Variants in SEMA6D observed in about 807,000 individuals in gnomAD.
SEMA6D encodes semaphorin-6D.
In SEMA6D, 35 loss-of-function variants were observed where a neutral mutation model predicts 106.6. The ratio of observed to expected loss-of-function variants is 0.33; its 90% CI spans 0.25 to 0.44. The LOEUF (loss-of-function observed/expected upper bound fraction) is 0.44. Among genes scored for constraint, SEMA6D ranks in the 20% least tolerant of loss-of-function variants. The probability of loss-of-function intolerance (pLI) is 1.00; values close to 1 mark genes in which losing one functional copy is unlikely to be tolerated. For synonymous variants in SEMA6D, 499 were observed against 487.7 expected (o/e 1.02, Z -0.31); for missense variants, 1,185 against 1,345.9 (o/e 0.88, Z 1.87).
chr15:47,770,157 T>G (rs1157334805), intron 18 of SEMA6D, among the ~76,000 whole-genome samples: 1 of 152,178 alleles, frequency 6.6e-6, no homozygotes. Context: ...AGTTTAAAGT[T>G]AGCTATTTAG....
intron 2 of SEMA6D, among the ~76,000 whole-genome samples, chr15:47,455,382 G>A (rs12593841): frequency 0.48 from 72,585 of 151,680 alleles, 18,353 homozygotes; most frequent in African/African-American, 0.64. Context: ...TTCTTTTTTA[G>A]TTTTTATTTT....
Position 47,772,071 on chromosome 15 carries a change from A to T in SEMA6D, c.*286A>T, listed in dbSNP as rs1425737098. 42 of 384,084 alleles carry T rather than the reference A, an allele frequency of 1.1e-4. No homozygotes were observed. The East Asian group carries it at 1.7e-3, about 15-fold the overall frequency. The allele number at this position is 384,084 out of a possible 1,614,324, so 23.8% of individuals were successfully genotyped here. The stretch of plus-strand genomic sequence containing the variant: ...CAGGGGCTACCTTACCAGTATAAAG[A>T]GCTGATAACAGTACTCAGAAGAATC... On this transcript the variant is annotated 3_prime_UTR_variant, in exon 19 of 19. Transcript: ENST00000536845.
intron 3 of SEMA6D, among the ~76,000 whole-genome samples, chr15:47,587,071 G>A (rs892293868): frequency 3.3e-5 from 5 of 152,272 alleles, no homozygotes; most frequent in African/African-American, 1.2e-4. Context: ...CAGACGGGAA[G>A]AAGGAGCTTC....
intron 1 of SEMA6D, among the ~76,000 whole-genome samples, chr15:47,758,537 A>G (rs921140859): frequency 1.2e-4 from 18 of 152,276 alleles, no homozygotes; most frequent in African/African-American, 4.3e-4. Context: ...CATCTTTTTA[A>G]TAAGCTAATA....
intron 4 of SEMA6D, among the ~76,000 whole-genome samples, chr15:47,613,449 C>T (rs993828267): frequency 3.9e-5 from 6 of 152,130 alleles, no homozygotes; most frequent in African/African-American, 1.2e-4. Flanking sequence ...AAAATTCTCT[C>T]GGAGGAAGAT....
At chr15:47,271,099 A>G (rs775335958) in intron 1 of SEMA6D, among the ~76,000 whole-genome samples, 1 of 152,222 alleles carries the variant, frequency 6.6e-6, no homozygotes, top group Non-Finnish European at 1.5e-5. Flanking sequence ...AATGAAATAC[A>G]CAAACCGGAA....
intron 1 of SEMA6D, among the ~76,000 whole-genome samples, chr15:47,276,871 G>A (rs774883564): frequency 2.9e-4 from 44 of 152,164 alleles, no homozygotes; most frequent in African/African-American, 9.7e-4. Context: ...AAACCTTCGG[G>A]TAAGGATTCA....
intron 1 of SEMA6D, among the ~76,000 whole-genome samples, chr15:47,261,975 A>G (rs953652935): frequency 1.3e-5 from 2 of 152,098 alleles, no homozygotes; most frequent in African/African-American, 2.4e-5. Flanking sequence ...ATGAATAATG[A>G]TACTATAAAC....
At chr15:47,569,289 T>A (rs2046315674) in intron 3 of SEMA6D, among the ~76,000 whole-genome samples, 2 of 152,180 alleles carry the variant, frequency 1.3e-5, no homozygotes, top group African/African-American at 4.8e-5. Context: ...TAATTCAGTA[T>A]CTGTTACTAC....
chr15:47,724,437 T>G (rs1453692024), intron 1 of SEMA6D, among the ~76,000 whole-genome samples: 1 of 152,196 alleles, frequency 6.6e-6, no homozygotes, highest in Non-Finnish European at 1.5e-5. Context: ...CCAGAAAAGA[T>G]ATACACAGAC....
intron 1 of SEMA6D, among the ~76,000 whole-genome samples, chr15:47,330,251 T>C (rs1047699840): frequency 6.6e-6 from 1 of 152,216 alleles, no homozygotes; most frequent in Non-Finnish European, 1.5e-5. Context: ...TCTGTATGTA[T>C]GTATTTCTAA....
intron 13 of SEMA6D, chr15:47,765,406 A>G (rs1167820231): frequency 1.9e-6 from 2 of 1,067,000 alleles, no homozygotes; most frequent in African/African-American, 3.3e-5. Context: ...ATACATGCAC[A>G]TACATACACA....
At chr15:47,437,866 C>T (rs2041769911) in intron 2 of SEMA6D, among the ~76,000 whole-genome samples, 1 of 152,066 alleles carries the variant, frequency 6.6e-6, no homozygotes, top group African/African-American at 2.4e-5. Flanking sequence ...TTATTTTATT[C>T]ATGAGCCTGT....
At chr15:47,553,291 C>G (rs2045818436) in intron 3 of SEMA6D, among the ~76,000 whole-genome samples, 1 of 152,044 alleles carries the variant, frequency 6.6e-6, no homozygotes, top group Admixed American at 6.6e-5. Context: ...CTTTAAATGA[C>G]AGTTTTGGAG....
At chr15:47,285,100 A>G (rs1425357988) in intron 1 of SEMA6D, among the ~76,000 whole-genome samples, 2 of 152,184 alleles carry the variant, frequency 1.3e-5, no homozygotes, top group Non-Finnish European at 2.9e-5. Flanking sequence ...AATGATAAAC[A>G]CCATTTCTCT....
chr15:47,314,706 CTT>C (rs1273509007), intron 1 of SEMA6D, among the ~76,000 whole-genome samples: 5 of 148,874 alleles, frequency 3.4e-5, no homozygotes, highest in African/African-American at 1.2e-4. Context: ...TGTGGCTTGT[CTT>C]TGCAGTCTCT....
At chr15:47,679,116 TTGC>T (rs1331366473) in intron 4 of SEMA6D, among the ~76,000 whole-genome samples, 1 of 152,244 alleles carries the variant, frequency 6.6e-6, no homozygotes, top group Non-Finnish European at 1.5e-5. Flanking sequence ...TGATTAATAT[TTGC>T]TGCTGCTGCA....
At chr15:47,458,913 A>G (rs2042420470) in intron 2 of SEMA6D, among the ~76,000 whole-genome samples, 2 of 152,040 alleles carry the variant, frequency 1.3e-5, no homozygotes, top group African/African-American at 2.4e-5. Context: ...ATCAGTATAA[A>G]TGTTGCAGAC....
intron 1 of SEMA6D, among the ~76,000 whole-genome samples, chr15:47,241,709 A>C (rs975202501): frequency 1.3e-5 from 2 of 152,014 alleles, no homozygotes; most frequent in Admixed American, 6.6e-5. Context: ...AAAAAAAAAA[A>C]AACCTCTTAA....
Sources: gnomAD v4.1 joint callset for allele counts (sites outside exome capture counted in the v4.1 genomes callset) on GRCh38, gnomAD v4.1.1 for gene constraint, MANE v1.5 for transcripts, NCBI Gene and HGNC (gene_info 2026-07-23, HGNC 2026-07-21) for gene names.